SPNS3: variants seen among roughly 807,000 people sequenced by gnomAD.
SPNS3 encodes the protein protein spinster homolog 3.
Under a neutral mutation model 54.4 loss-of-function variants are expected in SPNS3, and 51 were observed. The ratio of observed to expected loss-of-function variants is 0.94; its 90% CI spans 0.75 to 1.18. The LOEUF (loss-of-function observed/expected upper bound fraction) is 1.18, where lower values mean the gene tolerates loss of function less well. Among genes scored for constraint, SPNS3 ranks in the 50% most tolerant of loss-of-function variants. SPNS3 has a pLI of 0.00. For missense variants in SPNS3, 669 were observed against 677.4 expected (o/e 0.99, Z 0.14); for synonymous variants, 309 against 294.7 (o/e 1.05, Z -0.50).
intron 1 of SPNS3, among the ~76,000 whole-genome samples, chr17:4,436,375 A>G (rs1241159788): frequency 1.3e-5 from 2 of 152,050 alleles, no homozygotes; most frequent in East Asian, 1.9e-4. Flanking sequence ...TTCTCCTCAC[A>G]TGAGGTCAGG....
At chr17:4,479,316 G>A (rs1170247632) in intron 9 of SPNS3, among the ~76,000 whole-genome samples, 1 of 152,230 alleles carries the variant, frequency 6.6e-6, no homozygotes, top group East Asian at 1.9e-4. Context: ...GCGTGCAGAC[G>A]GGATGCCATC....
chr17:4,482,610 G>A (rs1972195098), intron 9 of SPNS3: 1 of 152,118 alleles, frequency 6.6e-6, no homozygotes, highest in Non-Finnish European at 1.5e-5. Flanking sequence ...AAATGATTTG[G>A]TTCAGTCACA....
chr17:4,468,143 A>G (rs1971733494), intron 8 of SPNS3, among the ~76,000 whole-genome samples: 1 of 152,218 alleles, frequency 6.6e-6, no homozygotes, highest in South Asian at 2.1e-4. Context: ...CGTTGAGAAT[A>G]GAATGAAAGA....
In SPNS3 at chr17:4,486,783, A is replaced by C. The variant is rs746520921; in HGVS notation, c.1450+200A>C. 5.6e-4 allele frequency among the ~76,000 whole-genome samples: 85 copies of C among 152,312 alleles called. No homozygotes were observed. Among genetic ancestry groups the C allele is most frequent in the Middle Eastern group, 3.4e-3 (1 of 294 alleles). ...CAAGTCCAGGCCCCTGTAGAAACTG[A>C]CACTGTAGTTGGTGAAGACAGACCA... is the stretch of plus-strand genomic sequence containing the variant. On this transcript the variant is annotated intron_variant, in intron 11 of 11. Coordinates refer to ENST00000355530, the MANE Select transcript of SPNS3 (RefSeq NM_182538.5). This position sits in a 1 kb window ranked among gnomAD's most constrained non-coding sequence, Gnocchi z 5.5.
chr17:4,464,231 G>C (rs929213445), intron 8 of SPNS3, among the ~76,000 whole-genome samples: 1 of 152,234 alleles, frequency 6.6e-6, no homozygotes, highest in South Asian at 2.1e-4. Context: ...CTTGGCAAGG[G>C]AAGTGGACTT....
intron 9 of SPNS3, chr17:4,482,079 G>GA (rs1212565780): frequency 3.3e-5 from 5 of 152,250 alleles, no homozygotes; most frequent in Non-Finnish European, 7.3e-5. Context: ...AGTAGAGACG[G>GA]GGTTCACCAT....
In SPNS3 at chr17:4,446,948, C is replaced by A. The variant is rs755397377; in HGVS notation, c.607C>A (p.Arg203Ser). The change falls in exon 5 of 12, where the codon CGC (arginine) becomes AGC (serine). Residue 203 changes from arginine (R) to serine (S), a missense_variant. Coordinates refer to ENST00000355530, the MANE Select transcript of SPNS3 (RefSeq NM_182538.5). ...TGTGACGATGCTGACTGGGAACTGGCGCTGGGCCCTCCGAGTGAGTCCAGC... is the reference window on the plus strand; with the variant it reads ...TGTGACGATGCTGACTGGGAACTGGAGCTGGGCCCTCCGAGTGAGTCCAGC... ...SAVTMLTGNW[R>S]WALRVMPCLE... is the part of the protein sequence containing the mutation. The A allele has an allele frequency of 6.2e-7, 1 of 1,614,108 alleles. No individual in the cohort carries two copies. Among genetic ancestry groups the A allele is most frequent in the Non-Finnish European group, 8.5e-7 (1 of 1,179,994 alleles).
At chr17:4,440,112 A>G (rs1394235407) in intron 2 of SPNS3, among the ~76,000 whole-genome samples, 3 of 152,128 alleles carry the variant, frequency 2.0e-5, no homozygotes, top group African/African-American at 4.8e-5. Flanking sequence ...GACTACTGGG[A>G]CACACAAAGT....
intron 2 of SPNS3, among the ~76,000 whole-genome samples, chr17:4,439,930 C>T (rs1052417960): frequency 6.6e-6 from 1 of 152,030 alleles, no homozygotes; most frequent in Non-Finnish European, 1.5e-5. Flanking sequence ...TGTAGGGTGC[C>T]GCGGGAGAGC....
At chr17:4,467,697 C>T (rs1971719456) in intron 8 of SPNS3, among the ~76,000 whole-genome samples, 1 of 152,206 alleles carries the variant, frequency 6.6e-6, no homozygotes, top group South Asian at 2.1e-4. Context: ...ATGACAGAAT[C>T]TCGCTCTGTC....
chr17:4,474,882 C>T (rs982669495), intron 8 of SPNS3, among the ~76,000 whole-genome samples: 8 of 152,142 alleles, frequency 5.3e-5, no homozygotes, highest in Admixed American at 5.2e-4. Context: ...TTGAATGGCT[C>T]CCCGCATATG....
intron 8 of SPNS3, among the ~76,000 whole-genome samples, chr17:4,468,775 C>CTT (rs1971767162): frequency 8.8e-6 from 1 of 113,732 alleles, no homozygotes; most frequent in Non-Finnish European, 1.9e-5. Flanking sequence ...CTTTCTTTTT[C>CTT]TTTCTTTCTC....
chr17:4,447,698 G>T (rs1009751665), intron 5 of SPNS3, among the ~76,000 whole-genome samples: 4 of 152,192 alleles, frequency 2.6e-5, no homozygotes, highest in African/African-American at 9.7e-5. Flanking sequence ...CCCAAGGTGG[G>T]TAGTGAGATC....
intron 8 of SPNS3, among the ~76,000 whole-genome samples, chr17:4,468,721 TTTTCTTTCTTTC>T (rs779220181): frequency 2.8e-4 from 34 of 121,450 alleles, no homozygotes; most frequent in Middle Eastern, 8.3e-3. Context: ...TCTCTCTTTC[TTTTCTTTCTTTC>T]TTTCTTTCTT....
At chr17:4,445,301 T>C (rs894508975) in intron 3 of SPNS3, 133 bp downstream of exon 3, 29 of 962,654 alleles carry the variant, frequency 3.0e-5, no homozygotes, top group East Asian at 1.3e-4. Flanking sequence ...GGGATTGCAC[T>C]GAGGGCTGGG....
intron 8 of SPNS3, 123 bp from the exon 9 acceptor site, chr17:4,478,449 A>T: frequency 1.2e-6 from 1 of 847,544 alleles, no homozygotes; most frequent in Non-Finnish European, 1.9e-6. Flanking sequence ...GCTCACTCCA[A>T]TAAGTCTCAA....
At chr17:4,446,510 C>T (rs374322984) in intron 4 of SPNS3, 15 of 482,674 alleles carry the variant, frequency 3.1e-5, no homozygotes, top group Non-Finnish European at 5.3e-5. Context: ...GGTGAGGAAG[C>T]GTGTTAGGGC....
chr17:4,458,557 C>T (rs1266335339), intron 8 of SPNS3, among the ~76,000 whole-genome samples: 1 of 54,998 alleles, frequency 1.8e-5, no homozygotes, highest in African/African-American at 3.4e-5. Context: ...TCCTTCCTTT[C>T]TTCCTTCCCT....
intron 1 of SPNS3, among the ~76,000 whole-genome samples, chr17:4,434,807 CT>C (rs774169793): frequency 4.5e-4 from 61 of 135,542 alleles, no homozygotes; most frequent in East Asian, 1.4e-3. Context: ...CGTGCCCGGC[CT>C]TTTTTTTTTT....
Sources: allele counts gnomAD v4.1 joint callset (sites outside exome capture counted in the v4.1 genomes callset), GRCh38; gene constraint gnomAD v4.1.1; non-coding constraint Gnocchi (gnomAD v3.1); transcripts MANE v1.5; gene names NCBI Gene and HGNC (gene_info 2026-07-23, HGNC 2026-07-21).